The following ARK2N variants were observed in gnomAD, a reference collection of about 807,000 sequenced individuals.
ARK2N encodes protein ARK2N.
At chr18:46,193,024 G>A in the ARK2N span, among the ~76,000 whole-genome samples, 1 of 151,780 alleles carries the variant, frequency 6.6e-6, no homozygotes, top group South Asian at 2.1e-4. Flanking sequence ...AGTGAAACTG[G>A]GCATGGTGGC....
chr18:46,216,361 A>G, the ARK2N span: 4 of 1,614,140 alleles, frequency 2.5e-6, no homozygotes, highest in South Asian at 3.3e-5. This position sits in a 1 kb window ranked among gnomAD's most constrained non-coding sequence, Gnocchi z 4.3. Flanking sequence ...CCGGCAATCC[A>G]GTGATAAACA....
the ARK2N span, among the ~76,000 whole-genome samples, chr18:46,206,093 TTTTTTTTTTC>T: frequency 1.5e-4 from 21 of 143,736 alleles, no homozygotes; most frequent in Admixed American, 4.9e-4. Context: ...ACCACCAAAC[TTTTTTTTTTC>T]TTTTTTTTTC....
At chr18:46,209,697 G>A in the ARK2N span, among the ~76,000 whole-genome samples, 1 of 152,266 alleles carries the variant, frequency 6.6e-6, no homozygotes, top group East Asian at 1.9e-4. Context: ...CCGGGTTCAA[G>A]TGATTCTTCT....
chr18:46,210,890 G>A, the ARK2N span, among the ~76,000 whole-genome samples: 10 of 150,464 alleles, frequency 6.6e-5, no homozygotes, highest in African/African-American at 2.5e-4. Context: ...CAGCCTGGGC[G>A]ACAGAGTGAG....
the ARK2N span, chr18:46,216,786 A>G: frequency 1.8e-6 from 1 of 558,170 alleles, no homozygotes; most frequent in Non-Finnish European, 3.1e-6. This position sits in a 1 kb window ranked among gnomAD's most constrained non-coding sequence, Gnocchi z 4.3. Context: ...GAACTTTAGC[A>G]CATCAGGAAA....
chr18:46,234,911 A>G, the ARK2N span, among the ~76,000 whole-genome samples: 30 of 152,100 alleles, frequency 2.0e-4, no homozygotes, highest in Non-Finnish European at 3.8e-4. Context: ...AATTTCCTCT[A>G]CGCTTTATTG....
the ARK2N span, among the ~76,000 whole-genome samples, chr18:46,231,186 G>A: frequency 9.9e-5 from 15 of 152,162 alleles, no homozygotes; most frequent in Admixed American, 1.3e-4. Context: ...TTTACATGAA[G>A]TTTTACTTTT....
chr18:46,254,544 G>T, the ARK2N span, among the ~76,000 whole-genome samples: 1 of 151,554 alleles, frequency 6.6e-6, no homozygotes, highest in Non-Finnish European at 1.5e-5. Flanking sequence ...GGTGGCTGGT[G>T]GGAAAAAAAA....
the ARK2N span, among the ~76,000 whole-genome samples, chr18:46,259,266 CAG>C: frequency 7.2e-6 from 1 of 138,270 alleles, no homozygotes; most frequent in South Asian, 2.3e-4. Context: ...TTTTTTGAGA[CAG>C]AGTCTCATTC....
At chr18:46,201,634 C>A in the ARK2N span, among the ~76,000 whole-genome samples, 3 of 152,080 alleles carry the variant, frequency 2.0e-5, no homozygotes, top group African/African-American at 7.2e-5. Flanking sequence ...GATCTCCCAG[C>A]ATTGACCTAC....
At chr18:46,197,555 A>G in the ARK2N span, among the ~76,000 whole-genome samples, 1 of 152,276 alleles carries the variant, frequency 6.6e-6, no homozygotes, top group East Asian at 1.9e-4. Flanking sequence ...TCTTTACAGC[A>G]TTTAATTAAG....
At chr18:46,256,827 G>GT in the ARK2N span, among the ~76,000 whole-genome samples, 12 of 152,166 alleles carry the variant, frequency 7.9e-5, 1 homozygote, top group South Asian at 8.3e-4. Context: ...TCTTTCTGAT[G>GT]TTTTTTTCCC....
the ARK2N span, among the ~76,000 whole-genome samples, chr18:46,208,530 C>T: frequency 7.6e-6 from 1 of 131,192 alleles, no homozygotes; most frequent in Non-Finnish European, 1.5e-5. Flanking sequence ...AGTGCAATGG[C>T]GTGATCTCGG....
chr18:46,196,811 A>G, the ARK2N span, among the ~76,000 whole-genome samples: 1 of 152,178 alleles, frequency 6.6e-6, no homozygotes, highest in South Asian at 2.1e-4. Flanking sequence ...TGGAGGATCC[A>G]TTTGCAAGGT....
chr18:46,223,977 A>G, the ARK2N span, among the ~76,000 whole-genome samples: 2 of 152,322 alleles, frequency 1.3e-5, no homozygotes, highest in Non-Finnish European at 2.9e-5. Flanking sequence ...AGAGTTCAAT[A>G]TAGTTATTTT....
At chr18:46,207,342 A>G in the ARK2N span, among the ~76,000 whole-genome samples, 1 of 152,078 alleles carries the variant, frequency 6.6e-6, no homozygotes, top group South Asian at 2.1e-4. Context: ...TTGTTGTAAC[A>G]ATATAAAGTT....
the ARK2N span, among the ~76,000 whole-genome samples, chr18:46,202,871 C>A: frequency 6.6e-6 from 1 of 150,904 alleles, no homozygotes; most frequent in Admixed American, 6.6e-5. Context: ...CTGTTGGAGA[C>A]TGAAATAGAA....
At chr18:46,197,716 G>T in the ARK2N span, among the ~76,000 whole-genome samples, 2 of 151,978 alleles carry the variant, frequency 1.3e-5, no homozygotes, top group African/African-American at 4.8e-5. Context: ...GTTAGTCGTT[G>T]GATAACATCT....
At chr18:46,174,438 G>C in the ARK2N span, 1 of 152,230 alleles carries the variant, frequency 6.6e-6, no homozygotes, top group South Asian at 2.1e-4. Flanking sequence ...TGCGGGCCGC[G>C]GTGAGGGCTC....
Sources: gnomAD v4.1 joint callset for allele counts (sites outside exome capture counted in the v4.1 genomes callset) on GRCh38, gnomAD v4.1.1 for gene constraint, Gnocchi (gnomAD v3.1) non-coding constraint, MANE v1.5 for transcripts, NCBI Gene and HGNC (gene_info 2026-07-23, HGNC 2026-07-21) for gene names.